ESRRG: variants seen among roughly 807,000 people sequenced by gnomAD.
The protein encoded by ESRRG is estrogen related receptor gamma.
A neutral mutation model predicts 44.0 loss-of-function variants in ESRRG; 13 were observed. The observed-to-expected ratio is 0.30, with a 90% CI of 0.19 to 0.47. ESRRG has a LOEUF of 0.47. Among genes scored for constraint, ESRRG ranks in the 20% least tolerant of loss-of-function variants. The pLI is 1.00. For missense variants in ESRRG, 395 were observed against 580.6 expected (o/e 0.68, Z 3.29); for synonymous variants, 215 against 214.6 (o/e 1.00, Z -0.02).
chr1:217,114,316 G>T (rs567923536), intron 1 of ESRRG, among the ~76,000 whole-genome samples: 1 of 151,958 alleles, frequency 6.6e-6, no homozygotes, highest in Middle Eastern at 3.4e-3. Flanking sequence ...TGTACAGAGG[G>T]CAGTACCAGC....
At chr1:216,938,190 T>C (rs2064490520) in intron 2 of ESRRG, among the ~76,000 whole-genome samples, 1 of 152,216 alleles carries the variant, frequency 6.6e-6, no homozygotes, top group Non-Finnish European at 1.5e-5. Flanking sequence ...AGGAATCTTG[T>C]GATAAATTAT....
intron 2 of ESRRG, among the ~76,000 whole-genome samples, chr1:216,791,773 G>A (rs551435009): frequency 7.2e-4 from 110 of 152,144 alleles, no homozygotes; most frequent in African/African-American, 2.4e-3. Context: ...CAAGAAAGTC[G>A]GCTAGTGAAA....
At chr1:217,053,133 T>TAAAAAAAA (rs71303007) in intron 1 of ESRRG, among the ~76,000 whole-genome samples, 40 of 119,018 alleles carry the variant, frequency 3.4e-4, no homozygotes, top group East Asian at 1.0e-3. Context: ...AATCCCATCT[T>TAAAAAAAA]AAAAAAAAAA....
chr1:217,102,497 C>G (rs2092531475), intron 1 of ESRRG, among the ~76,000 whole-genome samples: 2 of 152,170 alleles, frequency 1.3e-5, no homozygotes, highest in African/African-American at 4.8e-5. Flanking sequence ...TGCCACTTCT[C>G]TAGTTTGGGT....
At chr1:216,890,264 CAAA>C (rs1393026034) in intron 2 of ESRRG, among the ~76,000 whole-genome samples, 4 of 151,312 alleles carry the variant, frequency 2.6e-5, no homozygotes, top group Non-Finnish European at 4.4e-5. Context: ...GACCCTGTCT[CAAA>C]AAAATAAAAA....
At chr1:216,837,475 A>G (rs2095586056) in intron 2 of ESRRG, among the ~76,000 whole-genome samples, 1 of 152,168 alleles carries the variant, frequency 6.6e-6, no homozygotes, top group South Asian at 2.1e-4. Context: ...CTGCCATTTC[A>G]TATTTAAATA....
rs376701865 is a variant in ESRRG, at chr1:216,516,668, C to CACACACACAGAGAGAGAG, written c.1132+2483_1132+2484insCTCTCTCTCTGTGTGTGT. Among the ~76,000 whole-genome samples the CACACACACAGAGAGAGAG allele has an allele frequency of 2.9e-3, 399 of 137,224 alleles. 4 individuals are homozygous for CACACACACAGAGAGAGAG. The highest frequency in any genetic ancestry group is 0.011 in the African/African-American group (382 of 34,046). The allele number at this position is 137,224 out of a possible 152,430, so 90.0% of individuals were successfully genotyped here. ...ACACACACACACACACACACACACA[C>CACACACACAGAGAGAGAG]AGAGAGAGAGAGAGAAACGACAAAA... On this transcript the variant is annotated intron_variant, in intron 6 of 6. Transcript: ENST00000408911.
rs181653130 is a variant in ESRRG at position 217,072,364 on chromosome 1, T to C, written c.-106+17143A>G. On this transcript the variant is annotated intron_variant, in intron 1 of 7. Coordinates refer to the ESRRG transcript ENST00000359162. ...ACTGAGCTACACTATTCCAGAGGCA[T>C]ACTTATAAGACTTTTCTCATAATTC... 7.7e-4 allele frequency among the ~76,000 whole-genome samples: 118 copies of C among 152,346 alleles called. 1 individual carries two copies. Among genetic ancestry groups the C allele is most frequent in the African/African-American group, 2.7e-3 (113 of 41,576 alleles).
intron 2 of ESRRG, among the ~76,000 whole-genome samples, chr1:216,817,980 T>C (rs1001311974): frequency 3.3e-5 from 5 of 152,164 alleles, no homozygotes; most frequent in Admixed American, 2.0e-4. Flanking sequence ...TTTAAATAAG[T>C]TGTCTCCTTC....
intron 1 of ESRRG, among the ~76,000 whole-genome samples, chr1:216,996,335 C>T (rs2076375085): frequency 1.3e-5 from 2 of 150,490 alleles, no homozygotes; most frequent in African/African-American, 2.4e-5. Flanking sequence ...ATGGTAAGTA[C>T]TAAAGGAAAA....
chr1:216,556,457 C>T (rs570447284), intron 5 of ESRRG, among the ~76,000 whole-genome samples: 1 of 152,110 alleles, frequency 6.6e-6, no homozygotes, highest in African/African-American at 2.4e-5. Context: ...CCTCAGCACT[C>T]AGGAATTGTT....
chr1:216,665,385 G>A lies in ESRRG; in HGVS notation c.472+11691C>T, dbSNP rs114322891. Among the ~76,000 whole-genome samples the A allele has an allele frequency of 8.5e-3, 1,287 of 152,230 alleles. 20 individuals are homozygous for A. Among genetic ancestry groups the A allele is most frequent in the African/African-American group, 0.029 (1,215 of 41,532 alleles). On this transcript the variant is annotated intron_variant, in intron 2 of 6. Coordinates refer to ENST00000408911, the MANE Select transcript of ESRRG (RefSeq NM_001438.4). ...CATTTTTAAAAAGAAATCCTGTCAT[G>A]CACAATGACATGAATGAACTTTGAT...
chr1:216,891,516 A>T (rs1285586174), intron 2 of ESRRG, among the ~76,000 whole-genome samples: 1 of 152,222 alleles, frequency 6.6e-6, no homozygotes, highest in Non-Finnish European at 1.5e-5. Flanking sequence ...TGGCTCACTT[A>T]TGATCTGGAA....
intron 3 of ESRRG, among the ~76,000 whole-genome samples, chr1:216,601,608 A>C (rs1269272110): frequency 1.3e-5 from 2 of 152,174 alleles, no homozygotes; most frequent in Admixed American, 1.3e-4. Flanking sequence ...TATTTCGTAC[A>C]AGTTGCGTTC....
rs936294775 is a variant in ESRRG, at chr1:216,679,360, T to G, written c.57-1869A>C. On this transcript the variant is annotated intron_variant, in intron 1 of 6. Coordinates refer to ENST00000408911, the MANE Select transcript of ESRRG (RefSeq NM_001438.4). The stretch of plus-strand genomic sequence containing the variant: ...CTAAGCACTTTCCTCAAGTCATCGT[T>G]TGAAAGAAAGCGGGTCGGCACTGAC... 1.1e-4 allele frequency among the ~76,000 whole-genome samples: 17 copies of G among 152,296 alleles called. No homozygotes were observed. The East Asian group carries it at 2.9e-3, about 26-fold the overall frequency.
At chr1:216,820,309 AGACAT>A (rs956148938) in intron 2 of ESRRG, among the ~76,000 whole-genome samples, 38 of 152,224 alleles carry the variant, frequency 2.5e-4, no homozygotes, top group African/African-American at 8.9e-4. Context: ...TCCCCTTTAA[AGACAT>A]GAAATAGCTT....
rs542399973 is a variant in ESRRG, at chr1:216,841,751, G to T, written c.-14+97831C>A. ...AAAAGACAAAAAAGGCAAGTGTCTG[G>T]TTCTAACATAAAACCTTTGGGAAAT... is the stretch of plus-strand genomic sequence containing the variant. On this transcript the variant is annotated intron_variant, in intron 2 of 7. Transcript: ENST00000359162. Among the ~76,000 whole-genome samples the T allele has an allele frequency of 3.9e-5, 6 of 152,238 alleles. No homozygotes were observed. In the South Asian group the frequency reaches 1.2e-3, roughly 32 times the overall value.
intron 1 of ESRRG, among the ~76,000 whole-genome samples, chr1:217,008,229 G>A (rs1303690610): frequency 6.6e-6 from 1 of 152,206 alleles, no homozygotes; most frequent in African/African-American, 2.4e-5. Flanking sequence ...CCATTTTACA[G>A]ATGAGTAACT....
chr1:216,594,465 G>A (rs1469175562), intron 3 of ESRRG, among the ~76,000 whole-genome samples: 1 of 152,078 alleles, frequency 6.6e-6, no homozygotes, highest in Admixed American at 6.6e-5. Context: ...CATGGCCAGG[G>A]ATCTACTCTA....
Sources: gnomAD v4.1 joint callset for allele counts (sites outside exome capture counted in the v4.1 genomes callset) on GRCh38, gnomAD v4.1.1 for gene constraint, MANE v1.5 for transcripts, NCBI Gene and HGNC (gene_info 2026-07-23, HGNC 2026-07-21) for gene names.